GREB1: variants seen among roughly 807,000 people sequenced by gnomAD.
GREB1 encodes protein GREB1.
A neutral mutation model predicts 200.7 loss-of-function variants in GREB1; 106 were observed. That is an observed-to-expected ratio of 0.53 (90% CI 0.45 to 0.62). GREB1 has a LOEUF of 0.62. GREB1 is among the 20% of genes least tolerant of loss of function. The probability of loss-of-function intolerance (pLI) is 0.00; values close to 1 mark genes in which losing one functional copy is unlikely to be tolerated. For synonymous variants in GREB1, 1,132 were observed against 1,092.4 expected (o/e 1.04, Z -0.72); for missense variants, 2,243 against 2,556.8 (o/e 0.88, Z 2.65).
intron 17 of GREB1, among the ~76,000 whole-genome samples, chr2:11,606,302 A>G (rs936405823): frequency 1.6e-4 from 24 of 152,342 alleles, no homozygotes; most frequent in African/African-American, 5.8e-4. Context: ...TTACATTCCC[A>G]TCAGAATTTC....
chr2:11,594,396 C>G (rs752360756), intron 11 of GREB1, among the ~76,000 whole-genome samples: 1 of 151,604 alleles, frequency 6.6e-6, no homozygotes, highest in Non-Finnish European at 1.5e-5. Context: ...GCTCTGTTGC[C>G]CAGGCTGGAA....
intron 3 of GREB1, among the ~76,000 whole-genome samples, 200 bp from the exon 4 acceptor site, chr2:11,566,280 G>A (rs1677641092): frequency 6.6e-6 from 1 of 152,206 alleles, no homozygotes; most frequent in Admixed American, 6.5e-5. Flanking sequence ...GCTTCCCAAA[G>A]TGCTGGGATT....
chr2:11,512,921 C>T (rs764858511), intron 1 of GREB1, among the ~76,000 whole-genome samples: 23 of 152,158 alleles, frequency 1.5e-4, no homozygotes, highest in Non-Finnish European at 2.4e-4. Context: ...GTCAAAATGA[C>T]CTTCTTTCAG....
At position 11,629,970 on chromosome 2, in the gene GREB1, C is replaced by T; in HGVS notation, c.4472C>T (p.Ala1491Val). 6.2e-7 allele frequency: 1 copy of T among 1,614,178 alleles called. No homozygotes were observed. Among genetic ancestry groups the T allele is most frequent in the Non-Finnish European group, 8.5e-7 (1 of 1,180,018 alleles). ...CAGCTGTATGAGTCCACCCTGCACG[C>T]CTTTGCCTTCTCTTACTCCATGCTA... ...RYQLYESTLH[A>V]FAFSYSMLGE... The change falls in exon 26 of 33, where the codon GCC becomes GTC. Residue 1491 changes from alanine (A) to valine (V), a missense_variant. By Grantham distance (64) the Ala-to-Val change is moderately conservative. Coordinates refer to ENST00000381486, the MANE Select transcript of GREB1 (RefSeq NM_014668.4). The surrounding 1 kb of genome is among the most constrained non-coding windows in gnomAD (Gnocchi z 5.2).
intron 7 of GREB1, among the ~76,000 whole-genome samples, chr2:11,583,113 T>A (rs534069581): frequency 1.1e-4 from 17 of 152,260 alleles, no homozygotes; most frequent in Non-Finnish European, 1.9e-4. Context: ...ATGGGAGCAG[T>A]TCCTGGTGAC....
chr2:11,590,385 CG>C (rs940136782), intron 10 of GREB1, among the ~76,000 whole-genome samples: 1 of 152,132 alleles, frequency 6.6e-6, no homozygotes, highest in African/African-American at 2.4e-5. Context: ...CACCCCTTCC[CG>C]GGGGCCCAGC....
chr2:11,550,074 C>G (rs148753823), intron 1 of GREB1, among the ~76,000 whole-genome samples: 2,085 of 152,222 alleles, frequency 0.014, 46 homozygotes, highest in African/African-American at 0.047. Flanking sequence ...CAAAAATTAG[C>G]CAGGTGAGGT....
Position 11,598,719 on chromosome 2 carries a change from C to T in GREB1, c.2192C>T (p.Thr731Met), listed in dbSNP as rs777335799. ...LELGLKKEHM[T>M]KQRVEQYVLK... Reference sequence around the variant, plus strand: ...CTTGGTCTGAAGAAAGAGCACATGACGAAGCAGAGGGTGGAACAGTATGTT... The same window carrying T: ...CTTGGTCTGAAGAAAGAGCACATGATGAAGCAGAGGGTGGAACAGTATGTT... Residue 731 changes from threonine (T) to methionine (M), a missense_variant, in exon 15 of 33, where the codon ACG becomes ATG. Coordinates refer to ENST00000381486, the MANE Select transcript of GREB1 (RefSeq NM_014668.4). The T allele has an allele frequency of 5.5e-5, 88 of 1,614,006 alleles. No individual in the cohort carries two copies. Among genetic ancestry groups the T allele is most frequent in the Non-Finnish European group, 6.6e-5 (78 of 1,180,028 alleles).
chr2:11,542,153 T>C (rs1028734505), intron 1 of GREB1, among the ~76,000 whole-genome samples: 1 of 152,186 alleles, frequency 6.6e-6, no homozygotes, highest in African/African-American at 2.4e-5. Flanking sequence ...AATGAAATAT[T>C]TCTGCCAAGG....
At chr2:11,589,142 C>T (rs1680477598) in intron 10 of GREB1, among the ~76,000 whole-genome samples, 1 of 152,192 alleles carries the variant, frequency 6.6e-6, no homozygotes, top group African/African-American at 2.4e-5. Flanking sequence ...GGAGACATTT[C>T]CAGAACTCTT....
chr2:11,529,752 T>TTGAA (rs1165415930), upstream of GREB1, among the ~76,000 whole-genome samples: 1 of 152,180 alleles, frequency 6.6e-6, no homozygotes, highest in Non-Finnish European at 1.5e-5. Flanking sequence ...CTATACAGCA[T>TTGAA]TGAATGTGAA....
chr2:11,557,007 G>A (rs1676492290), intron 2 of GREB1, among the ~76,000 whole-genome samples: 1 of 152,196 alleles, frequency 6.6e-6, no homozygotes, highest in African/African-American at 2.4e-5. Context: ...AAAGGAAGAG[G>A]ACAAATTGTT....
intron 1 of GREB1, among the ~76,000 whole-genome samples, chr2:11,484,131 A>AT (rs1246505742): frequency 1.3e-5 from 2 of 152,188 alleles, no homozygotes; most frequent in African/African-American, 4.8e-5. Context: ...TTAAAGGCCA[A>AT]TTAGAATTCC....
At chr2:11,562,426 C>T in intron 2 of GREB1, 37 bp from the exon 3 acceptor site, 4 of 1,608,722 alleles carry the variant, frequency 2.5e-6, no homozygotes, top group Non-Finnish European at 2.5e-6. Context: ...GGCCAGACAG[C>T]AGCTGCCTTG....
intron 1 of GREB1, among the ~76,000 whole-genome samples, chr2:11,528,369 T>G (rs900181255): frequency 6.6e-6 from 1 of 152,246 alleles, no homozygotes; most frequent in Non-Finnish European, 1.5e-5. Flanking sequence ...GCAGAATTAT[T>G]TACTCCGATC....
intron 10 of GREB1, 74 bp downstream of exon 10, chr2:11,589,005 C>G: frequency 1.7e-6 from 2 of 1,193,232 alleles, no homozygotes; most frequent in Non-Finnish European, 2.5e-6. Flanking sequence ...CCTCGGCCCT[C>G]GTGGGGGCTG....
rs1035335201 is a variant in GREB1, at chr2:11,492,061, C to T, written c.-159+9680C>T. On this transcript the variant is annotated intron_variant, in intron 1 of 2. Coordinates refer to the GREB1 transcript ENST00000628795. This position sits in a 1 kb window ranked among gnomAD's most constrained non-coding sequence, Gnocchi z 4.0. The stretch of plus-strand genomic sequence containing the variant: ...GCTGCCCTTGGTGCTATTGATTTCA[C>T]GGTCCTCTTCCCTGGATTCCCCATG... Among the ~76,000 whole-genome samples the T allele has an allele frequency of 2.6e-5, 4 of 152,176 alleles. No individual in the cohort carries two copies. Among genetic ancestry groups the T allele is most frequent in the Admixed American group, 2.0e-4 (3 of 15,270 alleles).
intron 9 of GREB1, among the ~76,000 whole-genome samples, chr2:11,586,998 T>A (rs913656138): frequency 1.3e-5 from 2 of 152,142 alleles, no homozygotes; most frequent in African/African-American, 2.4e-5. Flanking sequence ...GTGCAGGGCT[T>A]GGAGGTGCAG....
chr2:11,566,928 G>T (rs1326116390), intron 4 of GREB1, among the ~76,000 whole-genome samples: 1 of 152,166 alleles, frequency 6.6e-6, no homozygotes, highest in Middle Eastern at 3.2e-3. Context: ...TTAAGTGCCT[G>T]CTTGTGTCAA....
Sources: allele counts gnomAD v4.1 joint callset (sites outside exome capture counted in the v4.1 genomes callset), GRCh38; gene constraint gnomAD v4.1.1; non-coding constraint Gnocchi (gnomAD v3.1); transcripts MANE v1.5; gene names NCBI Gene and HGNC (gene_info 2026-07-23, HGNC 2026-07-21).